COL25A1: variants seen among roughly 807,000 people sequenced by gnomAD.
COL25A1 encodes collagen type XXV alpha 1 chain.
COL25A1 carries 103 observed loss-of-function variants against 128.4 expected under a neutral mutation model. The observed-to-expected ratio is 0.80, with a 90% CI of 0.68 to 0.94. COL25A1 has a LOEUF of 0.94. Among genes scored for constraint, COL25A1 ranks in the 40% least tolerant of loss-of-function variants. The probability of loss-of-function intolerance (pLI) is 0.00; values close to 1 mark genes in which losing one functional copy is unlikely to be tolerated. For synonymous variants in COL25A1, 279 were observed against 277.2 expected (o/e 1.01, Z -0.06); for missense variants, 745 against 840.0 (o/e 0.89, Z 1.40).
chr4:108,995,654 G>C (rs2126019898), intron 6 of COL25A1, among the ~76,000 whole-genome samples: 1 of 152,244 alleles, frequency 6.6e-6, no homozygotes, highest in East Asian at 1.9e-4. Context: ...GCAACTCCAA[G>C]ACACCTAATT....
Position 109,286,350 on chromosome 4 carries a change from C to T in COL25A1, c.367+14233G>A, listed in dbSNP as rs10013981. Among the ~76,000 whole-genome samples the T allele has an allele frequency of 1.2e-3, 190 of 152,172 alleles. 3 individuals are homozygous for T. The highest frequency in any genetic ancestry group is 4.1e-3 in the African/African-American group (170 of 41,544). ...CTTGAGCATAAGGCAACAGAAGCAG[C>T]TATAATGTAGAGGAAAGAACAGCTT... On this transcript the variant is annotated intron_variant, in intron 3 of 37. Transcript: ENST00000399132.
intron 3 of COL25A1, among the ~76,000 whole-genome samples, chr4:109,216,358 G>C (rs1378254831): frequency 6.6e-6 from 1 of 152,040 alleles, no homozygotes; most frequent in East Asian, 1.9e-4. Flanking sequence ...AAACTCAGTG[G>C]GCTGCCATGG....
At chr4:108,949,576 C>T (rs1308902650) in intron 8 of COL25A1, among the ~76,000 whole-genome samples, 2 of 151,832 alleles carry the variant, frequency 1.3e-5, no homozygotes, top group Admixed American at 1.3e-4. Flanking sequence ...CTCTGTCACC[C>T]AGACTGGAGT....
At chr4:108,856,363 T>C (rs1009940571) in intron 24 of COL25A1, among the ~76,000 whole-genome samples, 1 of 152,220 alleles carries the variant, frequency 6.6e-6, no homozygotes, top group African/African-American at 2.4e-5. Context: ...TTTATATTTC[T>C]AATATGGTAT....
chr4:109,082,525 T>G (rs892346394), intron 3 of COL25A1, among the ~76,000 whole-genome samples: 1 of 152,238 alleles, frequency 6.6e-6, no homozygotes, highest in South Asian at 2.1e-4. Context: ...GGGGTTTTCA[T>G]GTGCATTTTC....
At chr4:109,127,399 C>A (rs1768725141) in intron 3 of COL25A1, among the ~76,000 whole-genome samples, 2 of 152,164 alleles carry the variant, frequency 1.3e-5, no homozygotes, top group Admixed American at 1.3e-4. Context: ...GTAGAAAAAT[C>A]ATTGATTTTT....
chr4:109,279,330 C>A (rs920888572), intron 3 of COL25A1, among the ~76,000 whole-genome samples: 1 of 152,124 alleles, frequency 6.6e-6, no homozygotes, highest in African/African-American at 2.4e-5. Flanking sequence ...ACCTCTCCGG[C>A]TGGGTGCAGT....
chr4:108,915,963 C>T (rs1744827631), intron 13 of COL25A1, among the ~76,000 whole-genome samples: 1 of 152,066 alleles, frequency 6.6e-6, no homozygotes, highest in African/African-American at 2.4e-5. Context: ...TGTTTAAAAA[C>T]AAATTCTAGA....
chr4:108,867,695 A>C (rs1385139460), intron 20 of COL25A1, among the ~76,000 whole-genome samples: 1 of 152,140 alleles, frequency 6.6e-6, no homozygotes, highest in African/African-American at 2.4e-5. Context: ...ATTTCTGTTG[A>C]ATGCAGTACA....
chr4:109,069,524 C>T (rs1340848064), intron 3 of COL25A1, among the ~76,000 whole-genome samples: 7 of 152,136 alleles, frequency 4.6e-5, no homozygotes, highest in South Asian at 4.1e-4. Flanking sequence ...TGGAATTTCA[C>T]GTCAACTTTT....
intron 6 of COL25A1, among the ~76,000 whole-genome samples, chr4:108,984,801 T>C (rs1310922628): frequency 6.6e-6 from 1 of 152,146 alleles, no homozygotes; most frequent in Non-Finnish European, 1.5e-5. Flanking sequence ...GGGGCTCCCA[T>C]AGTGCAGCGG....
chr4:108,910,221 T>G (rs894187004), intron 13 of COL25A1, among the ~76,000 whole-genome samples: 2 of 152,202 alleles, frequency 1.3e-5, no homozygotes. Flanking sequence ...GATAAATTAT[T>G]CTTTCTCTTG....
intron 25 of COL25A1, 58 bp downstream of exon 25, chr4:108,852,844 C>G: frequency 7.1e-7 from 1 of 1,405,570 alleles, no homozygotes; most frequent in South Asian, 1.2e-5. Flanking sequence ...TTTTGGCTGG[C>G]ATGCATCAAC....
chr4:108,919,597 G>C (rs943521632), intron 12 of COL25A1, among the ~76,000 whole-genome samples: 2 of 151,906 alleles, frequency 1.3e-5, no homozygotes, highest in African/African-American at 2.4e-5. Context: ...TTAGTTTTCC[G>C]TGGGTTAAAT....
At chr4:109,064,819 C>A (rs549014760) in intron 3 of COL25A1, among the ~76,000 whole-genome samples, 1 of 152,262 alleles carries the variant, frequency 6.6e-6, no homozygotes, top group East Asian at 1.9e-4. Context: ...GTCTCTAGTA[C>A]CTACAAAAGC....
intron 3 of COL25A1, among the ~76,000 whole-genome samples, chr4:109,249,157 T>C (rs1780479902): frequency 6.6e-6 from 1 of 152,200 alleles, no homozygotes; most frequent in Non-Finnish European, 1.5e-5. Context: ...AAGGTTTCTC[T>C]GAGGCTCCAT....
At chr4:109,021,233 T>C (rs754945526) in intron 5 of COL25A1, among the ~76,000 whole-genome samples, 1 of 152,226 alleles carries the variant, frequency 6.6e-6, no homozygotes, top group Non-Finnish European at 1.5e-5. Flanking sequence ...ACTCTTGAGA[T>C]GAAACTCAAG....
chr4:108,970,627 C>T (rs751271216), intron 8 of COL25A1, among the ~76,000 whole-genome samples: 22 of 152,090 alleles, frequency 1.4e-4, no homozygotes, highest in Non-Finnish European at 1.6e-4. Flanking sequence ...ACTGTGGTCA[C>T]GTTGCTGTAC....
chr4:108,883,303 C>T (rs1269900478), intron 19 of COL25A1, among the ~76,000 whole-genome samples: 1 of 152,144 alleles, frequency 6.6e-6, no homozygotes, highest in Admixed American at 6.5e-5. Flanking sequence ...GTTAGGATTA[C>T]ATGAGCCACC....
Sources: allele counts gnomAD v4.1 joint callset (sites outside exome capture counted in the v4.1 genomes callset), GRCh38; gene constraint gnomAD v4.1.1; transcripts MANE v1.5; gene names NCBI Gene and HGNC (gene_info 2026-07-23, HGNC 2026-07-21).